Variants in TENM1 observed in about 807,000 individuals in gnomAD.
The protein encoded by TENM1 is teneurin-1.
In TENM1, 35 loss-of-function variants were observed where a neutral mutation model predicts 174.8. That is an observed-to-expected ratio of 0.20 (90% CI 0.15 to 0.27). TENM1 has a LOEUF of 0.27. Among genes scored for constraint, TENM1 ranks in the 10% least tolerant of loss-of-function variants. The probability of loss-of-function intolerance (pLI) is 1.00; values close to 1 mark genes in which losing one functional copy is unlikely to be tolerated. For synonymous variants in TENM1, 781 were observed against 798.7 expected, an observed-to-expected ratio of 0.98 and a Z score of 0.37; for missense variants, 1,633 against 2,130.1, an observed-to-expected ratio of 0.77 and a Z score of 4.59.
intron 5 of TENM1, among the ~76,000 whole-genome samples, chrX:124,694,565 T>C (rs2052605427): frequency 8.9e-6 from 1 of 112,174 alleles, no homozygotes; most frequent in African/African-American, 3.2e-5. Flanking sequence ...TGTTACCCTA[T>C]GGGAACCCAG....
chrX:124,484,021 C>T (rs905563148), intron 21 of TENM1, among the ~76,000 whole-genome samples: 5 of 112,016 alleles, frequency 4.5e-5, no homozygotes, highest in Non-Finnish European at 9.4e-5. Context: ...TATATTTAGT[C>T]GTCATGTCTT....
At chrX:124,959,171 T>C (rs1727081645) in intron 1 of TENM1, among the ~76,000 whole-genome samples, 1 of 111,452 alleles carries the variant, frequency 9.0e-6, no homozygotes, top group African/African-American at 3.3e-5. Context: ...TGGTAATACA[T>C]GGACTAAGAC....
chrX:124,561,932 G>T, intron 13 of TENM1, 115 bp from the exon 17 acceptor site: 1 of 751,813 alleles, frequency 1.3e-6, no homozygotes, highest in Non-Finnish European at 1.9e-6. Flanking sequence ...CAGATGAGGT[G>T]TTGAATAAAT....
At chrX:124,388,803 AGTC>A (rs1447737065) in intron 28 of TENM1, among the ~76,000 whole-genome samples, 1 of 112,368 alleles carries the variant, frequency 8.9e-6, no homozygotes, top group Admixed American at 9.4e-5. Context: ...CTGAAGCCAA[AGTC>A]GTCGTTCTGT....
At chrX:124,864,618 C>T (rs1181204245) in intron 3 of TENM1, among the ~76,000 whole-genome samples, 2 of 110,727 alleles carry the variant, frequency 1.8e-5, no homozygotes, top group African/African-American at 3.3e-5. Flanking sequence ...TAGAAAATAA[C>T]CTTAAAGGGG....
chrX:124,923,846 A>T (rs752862727), intron 1 of TENM1, among the ~76,000 whole-genome samples: 1 of 111,969 alleles, frequency 8.9e-6, no homozygotes, highest in Non-Finnish European at 1.9e-5. Flanking sequence ...CAAGAAAAAC[A>T]GGTTTTCTCC....
chrX:124,899,253 C>T (rs185124413), intron 1 of TENM1, among the ~76,000 whole-genome samples: 111 of 111,662 alleles, frequency 9.9e-4, no homozygotes, highest in Middle Eastern at 4.6e-3. Flanking sequence ...AGTTCAGCAG[C>T]GTGATCAGGG....
At chrX:124,554,813 G>A (rs779411540) in intron 14 of TENM1, among the ~76,000 whole-genome samples, 2 of 111,536 alleles carry the variant, frequency 1.8e-5, no homozygotes, top group South Asian at 7.6e-4. Context: ...AATAGCTATT[G>A]CTCTTAATGA....
chrX:124,693,876 G>A (rs1447076058), intron 5 of TENM1, among the ~76,000 whole-genome samples: 1 of 110,937 alleles, frequency 9.0e-6, no homozygotes, highest in Non-Finnish European at 1.9e-5. Flanking sequence ...TCCTGGACCA[G>A]TAATAGGAGT....
the TENM1 span, among the ~76,000 whole-genome samples, chrX:125,116,871 T>A: frequency 2.0e-4 from 22 of 109,948 alleles, no homozygotes; most frequent in African/African-American, 7.3e-4. Flanking sequence ...ATTAGCCAGG[T>A]GTAGTGGTGT....
chrX:124,635,806 T>C (rs2050864821), intron 11 of TENM1, among the ~76,000 whole-genome samples: 1 of 112,511 alleles, frequency 8.9e-6, no homozygotes, highest in Non-Finnish European at 1.9e-5. Flanking sequence ...AGGCTAAATG[T>C]ATTACTGAGA....
chrX:124,995,358 A>G, the TENM1 span, among the ~76,000 whole-genome samples: 2 of 111,260 alleles, frequency 1.8e-5, no homozygotes, highest in Non-Finnish European at 3.8e-5. Flanking sequence ...ATTGTATTCT[A>G]CTGCCTCAAT....
At chrX:124,661,867 A>G (rs1399282362) in intron 6 of TENM1, among the ~76,000 whole-genome samples, 9 of 111,635 alleles carry the variant, frequency 8.1e-5, no homozygotes, top group Non-Finnish European at 1.9e-5. Context: ...GAAATCTTCA[A>G]TTACATGAAT....
the TENM1 span, among the ~76,000 whole-genome samples, chrX:125,069,150 G>A: frequency 3.6e-5 from 4 of 111,323 alleles, no homozygotes; most frequent in Non-Finnish European, 5.7e-5. Flanking sequence ...AACACTCACC[G>A]CCCTCTCATC....
chrX:124,461,961 T>A (rs1262093760), intron 22 of TENM1, among the ~76,000 whole-genome samples: 1 of 111,980 alleles, frequency 8.9e-6, no homozygotes. Context: ...TATACAAATG[T>A]ATGAAATTAT....
intron 1 of TENM1, among the ~76,000 whole-genome samples, chrX:124,899,780 T>C (rs2147594360): frequency 9.0e-6 from 1 of 111,465 alleles, no homozygotes; most frequent in Non-Finnish European, 1.9e-5. Context: ...ACAATAGAGG[T>C]GGCCAATAAG....
At chrX:124,634,543 A>G (rs981693893) in intron 11 of TENM1, among the ~76,000 whole-genome samples, 1 of 111,225 alleles carries the variant, frequency 9.0e-6, no homozygotes, top group African/African-American at 3.3e-5. Flanking sequence ...TGGTGTTTGC[A>G]TTACATTTTG....
intron 3 of TENM1, among the ~76,000 whole-genome samples, chrX:124,886,897 A>G (rs928855913): frequency 7.3e-4 from 80 of 109,906 alleles, no homozygotes; most frequent in African/African-American, 2.5e-3. Context: ...TCACCCATAA[A>G]TAGAACAAAT....
At chrX:124,648,689 C>T (rs899154467) in intron 8 of TENM1, among the ~76,000 whole-genome samples, 1 of 111,790 alleles carries the variant, frequency 8.9e-6, no homozygotes, top group African/African-American at 3.2e-5. Context: ...GCAGTAGTGC[C>T]ACTTCTTAAG....
Sources: gnomAD v4.1 joint callset for allele counts (sites outside exome capture counted in the v4.1 genomes callset) on GRCh38, gnomAD v4.1.1 for gene constraint, MANE v1.5 for transcripts, NCBI Gene and HGNC (gene_info 2026-07-23, HGNC 2026-07-21) for gene names.